Variants in KCNH5 observed in about 807,000 individuals in gnomAD.
KCNH5 encodes the protein voltage-gated delayed rectifier potassium channel KCNH5.
Under a neutral mutation model 96.1 loss-of-function variants are expected in KCNH5, and 46 were observed. The observed-to-expected ratio is 0.48, with a 90% CI of 0.38 to 0.61. KCNH5 has a LOEUF of 0.61. Among genes scored for constraint, KCNH5 ranks in the 20% least tolerant of loss-of-function variants. KCNH5 has a pLI of 0.00. For missense variants in KCNH5, 907 were observed against 1,225.8 expected (o/e 0.74, Z 3.88); for synonymous variants, 439 against 449.8 (o/e 0.98, Z 0.30).
intron 7 of KCNH5, among the ~76,000 whole-genome samples, chr14:62,940,936 TC>T (rs1889775796): frequency 6.6e-6 from 1 of 152,174 alleles, no homozygotes. Flanking sequence ...GCTTCTTTAT[TC>T]CCTCTTAATT....
rs561352266 is a variant in KCNH5, at chr14:62,717,854, TCA to T, written c.2020-9401_2020-9400del. Among the ~76,000 whole-genome samples, 11 of 152,284 alleles carry T rather than the reference TCA, an allele frequency of 7.2e-5. No individual in the cohort carries two copies. In the South Asian group the frequency reaches 2.1e-3, roughly 29 times the overall value. ...GACACTATCAAAGTGAAAAGGCAAC[TCA>T]CAGAATTAGAGAAAATGTTTGCAAA... On this transcript the variant is annotated intron_variant, in intron 10 of 10. Transcript: ENST00000322893.
intron 7 of KCNH5, among the ~76,000 whole-genome samples, chr14:62,873,729 C>G (rs1406162692): frequency 6.6e-6 from 1 of 152,016 alleles, no homozygotes; most frequent in Non-Finnish European, 1.5e-5. Flanking sequence ...AATATTTTTC[C>G]CCGCAATGAA....
Position 62,899,062 on chromosome 14 carries a change from C to T in KCNH5, c.1370-49210G>A, listed in dbSNP as rs370111378. Among the ~76,000 whole-genome samples the T allele has an allele frequency of 3.9e-5, 6 of 152,066 alleles. No homozygotes were observed. The South Asian group carries it at 6.2e-4, about 16-fold the overall frequency. On this transcript the variant is annotated intron_variant, in intron 7 of 10. Transcript: ENST00000322893. ...ACATTTATTTTAAAAAGTGATTTACCATACAGTTTTTCTAAATAATTACAG... is the reference window on the plus strand; with the variant it reads ...ACATTTATTTTAAAAAGTGATTTACTATACAGTTTTTCTAAATAATTACAG...
chr14:62,802,502 G>T lies in KCNH5; in HGVS notation c.1649C>A (p.Ala550Asp). The change falls in exon 9 of 11, where the codon GCT becomes GAT. Residue 550 changes from alanine to aspartate, a missense_variant. By Grantham distance (126) the Ala-to-Asp change is moderately radical. Transcript: ENST00000322893. ...LNRKVFNEHPAFRLASDGCLR... is the reference protein window; with the variant it reads ...LNRKVFNEHPDFRLASDGCLR... ...ACACCCATCGCTGGCCAATCGAAAAGCAGGATGTTCATTAAAAACCTTCCG... is the reference window on the plus strand; with the variant it reads ...ACACCCATCGCTGGCCAATCGAAAATCAGGATGTTCATTAAAAACCTTCCG... 1 of 1,614,146 alleles carries T rather than the reference G, an allele frequency of 6.2e-7. No homozygotes were observed. The highest frequency in any genetic ancestry group is 2.2e-5 in the East Asian group (1 of 44,850).
At chr14:62,791,868 A>G (rs1174068710) in intron 9 of KCNH5, among the ~76,000 whole-genome samples, 2 of 151,646 alleles carry the variant, frequency 1.3e-5, no homozygotes, top group East Asian at 3.9e-4. Flanking sequence ...TAGATCAACC[A>G]GACAAGAAAT....
intron 7 of KCNH5, among the ~76,000 whole-genome samples, chr14:62,909,780 T>C (rs1889114189): frequency 6.6e-6 from 1 of 152,106 alleles, no homozygotes; most frequent in Admixed American, 6.5e-5. Context: ...GGTGATGCCA[T>C]ACCTCTGCTT....
At chr14:62,965,883 T>C (rs937029693) in intron 6 of KCNH5, among the ~76,000 whole-genome samples, 8 of 152,148 alleles carry the variant, frequency 5.3e-5, no homozygotes, top group African/African-American at 9.6e-5. Context: ...GATTTCAATA[T>C]TGAAGACAAG....
chr14:62,985,601 G>A (rs1429512524), intron 5 of KCNH5, among the ~76,000 whole-genome samples: 1 of 152,152 alleles, frequency 6.6e-6, no homozygotes, highest in Non-Finnish European at 1.5e-5. Flanking sequence ...TTTCATACCA[G>A]TAATACAAAT....
intron 7 of KCNH5, among the ~76,000 whole-genome samples, chr14:62,899,535 A>C (rs982250002): frequency 1.3e-5 from 2 of 152,160 alleles, no homozygotes; most frequent in Admixed American, 1.3e-4. Context: ...AAATCTATAC[A>C]GTAAAAAAAA....
At position 62,704,149 on chromosome 14, in the gene KCNH5, G is replaced by C. The variant is rs2139895333; in HGVS notation, c.*3359C>G. ...TCCTATTAAAGTGTTGAGTACAACA[G>C]AAGTACACATTTTTTCTAGAGCAAT... On this transcript the variant is annotated 3_prime_UTR_variant, in exon 11 of 11. Coordinates refer to ENST00000322893, the MANE Select transcript of KCNH5 (RefSeq NM_139318.5). 1 of 151,966 alleles carries C rather than the reference G, an allele frequency of 6.6e-6. No individual in the cohort carries two copies. Among genetic ancestry groups the C allele is most frequent in the African/African-American group, 2.4e-5 (1 of 41,540 alleles). 9.4% of individuals were successfully genotyped at this position (151,966 alleles called of 1,614,324 possible).
At chr14:62,914,126 T>C (rs1238377643) in intron 7 of KCNH5, among the ~76,000 whole-genome samples, 1 of 152,198 alleles carries the variant, frequency 6.6e-6, no homozygotes, top group African/African-American at 2.4e-5. Context: ...AAAAATTAAA[T>C]TTGCTAATGA....
intron 10 of KCNH5, among the ~76,000 whole-genome samples, chr14:62,726,768 G>A (rs1168293551): frequency 6.6e-6 from 1 of 152,116 alleles, no homozygotes; most frequent in African/African-American, 2.4e-5. Context: ...TTCCAGAAAA[G>A]GTTGTACACA....
chr14:62,753,080 G>T (rs555324843), intron 10 of KCNH5, among the ~76,000 whole-genome samples: 7 of 152,156 alleles, frequency 4.6e-5, no homozygotes, highest in Middle Eastern at 3.4e-3. Flanking sequence ...GCTGCTTTGA[G>T]GAAACTCAAA....
chr14:62,843,470 G>A (rs1030499452), intron 8 of KCNH5, among the ~76,000 whole-genome samples: 4 of 146,516 alleles, frequency 2.7e-5, no homozygotes, highest in African/African-American at 7.6e-5. Context: ...GGAGTACAGT[G>A]GGGTGATCTC....
At chr14:62,823,945 C>G (rs543627586) in intron 8 of KCNH5, among the ~76,000 whole-genome samples, 1 of 151,894 alleles carries the variant, frequency 6.6e-6, no homozygotes, top group South Asian at 2.1e-4. Context: ...AATGATCTGC[C>G]TTGCAGCAAA....
chr14:62,856,161 C>T (rs1170899334), intron 7 of KCNH5, among the ~76,000 whole-genome samples: 2 of 152,110 alleles, frequency 1.3e-5, no homozygotes, highest in Non-Finnish European at 2.9e-5. Flanking sequence ...TAACTGTAAC[C>T]TGGCCTTCAC....
chr14:62,970,584 C>A (rs1446994725), intron 6 of KCNH5, among the ~76,000 whole-genome samples: 1 of 152,078 alleles, frequency 6.6e-6, no homozygotes, highest in Non-Finnish European at 1.5e-5. Context: ...AAATTCTCAA[C>A]AAAATGTTTT....
intron 7 of KCNH5, among the ~76,000 whole-genome samples, chr14:62,912,691 C>A (rs1889193789): frequency 6.6e-6 from 1 of 152,156 alleles, no homozygotes; most frequent in South Asian, 2.1e-4. Context: ...CAGGCGTGAG[C>A]CACCGTACCT....
chr14:63,006,267 G>C (rs1891123162), intron 3 of KCNH5, 99 bp downstream of exon 3: 1 of 568,980 alleles, frequency 1.8e-6, no homozygotes, highest in African/African-American at 1.9e-5. Flanking sequence ...AGAAGCAACA[G>C]AAGGTTTACA....
Sources: gnomAD v4.1 joint callset for allele counts (sites outside exome capture counted in the v4.1 genomes callset) on GRCh38, gnomAD v4.1.1 for gene constraint, MANE v1.5 for transcripts, NCBI Gene and HGNC (gene_info 2026-07-23, HGNC 2026-07-21) for gene names.